Variants in THOC1 observed in about 807,000 individuals in gnomAD.
THOC1 encodes THO complex subunit 1, also known as THO complex 1.
In THOC1, 29 loss-of-function variants were observed where a neutral mutation model predicts 97.3. The ratio of observed to expected loss-of-function variants is 0.30; its 90% CI spans 0.22 to 0.41. THOC1 has a LOEUF of 0.41. THOC1 is among the 10% of genes least tolerant of loss of function. The pLI is 1.00. For synonymous variants in THOC1, 255 were observed against 257.0 expected, an observed-to-expected ratio of 0.99 and a Z score of 0.07; for missense variants, 529 against 761.9, an observed-to-expected ratio of 0.69 and a Z score of 3.60.
intron 9 of THOC1, among the ~76,000 whole-genome samples, chr18:248,613 A>G (rs1483109690): frequency 6.6e-6 from 1 of 152,238 alleles, no homozygotes; most frequent in Non-Finnish European, 1.5e-5. Context: ...AAGCACCAGT[A>G]TGAGAAAAAC....
In THOC1 at chr18:253,336, A is replaced by T. The variant is rs143774226; in HGVS notation, c.604-724T>A. 8.4e-4 allele frequency among the ~76,000 whole-genome samples: 128 copies of T among 152,354 alleles called. 1 individual carries two copies. The East Asian group carries it at 0.021, about 25-fold the overall frequency. ...GCTGCAGACTGATGCAATATTATAC[A>T]CTACTAGACACTGTAACATTGTTTT... On this transcript the variant is annotated intron_variant, in intron 8 of 20. Coordinates refer to ENST00000261600, the MANE Select transcript of THOC1 (RefSeq NM_005131.3).
intron 19 of THOC1, chr18:215,891 C>T: frequency 1.0e-5 from 2 of 198,372 alleles, no homozygotes; most frequent in Non-Finnish European, 2.0e-5. Flanking sequence ...CAATATAATG[C>T]ATTGGCAAAC....
At chr18:248,822 C>G (rs1364328824) in intron 9 of THOC1, among the ~76,000 whole-genome samples, 2 of 152,168 alleles carry the variant, frequency 1.3e-5, no homozygotes, top group South Asian at 2.1e-4. Flanking sequence ...GCGATCTCAG[C>G]TCACTGCAAG....
chr18:216,874 A>T (rs978204853), intron 18 of THOC1, among the ~76,000 whole-genome samples: 2 of 152,240 alleles, frequency 1.3e-5, no homozygotes, highest in African/African-American at 4.8e-5. Flanking sequence ...GCTCATATGC[A>T]GCAAACACAT....
rs993702361 is a variant in THOC1 at position 259,687 on chromosome 18, C to G, written c.419G>C (p.Cys140Ser). The change falls in exon 6 of 21, where the codon TGC becomes TCC. Residue 140 changes from cysteine to serine, a missense_variant. By Grantham distance (112) the Cys-to-Ser change is moderately radical. Around this residue, in one of 8 missense-constraint regions of THOC1, gnomAD observed 49 missense variants for 91.7 expected, o/e 0.53. Coordinates refer to ENST00000261600, the MANE Select transcript of THOC1 (RefSeq NM_005131.3). The stretch of plus-strand genomic sequence containing the variant: ...TTTATCACTCAATTACTTACCATTG[C>G]ACATACGTAGTAAGTAATTTTTCCC... ...SAGKNYLLRM[C>S]NDLLRRLSKS... is the part of the protein sequence containing the mutation. 1.9e-5 allele frequency: 29 copies of G among 1,547,492 alleles called. 1 individual carries two copies. The highest frequency in any genetic ancestry group is 2.7e-5 in the African/African-American group (2 of 73,090).
intron 11 of THOC1, among the ~76,000 whole-genome samples, chr18:227,282 T>A (rs1419073328): frequency 2.0e-5 from 3 of 152,108 alleles, no homozygotes; most frequent in Non-Finnish European, 4.4e-5. Context: ...GAGTTCGAGA[T>A]CAGTCTGAGC....
intron 17 of THOC1, among the ~76,000 whole-genome samples, chr18:220,760 A>G (rs1193832913): frequency 6.6e-6 from 1 of 152,208 alleles, no homozygotes; most frequent in African/African-American, 2.4e-5. Context: ...GCAGGAATCA[A>G]TCATGTTAGA....
At position 214,701 on chromosome 18, in the gene THOC1, C is replaced by G; in HGVS notation, c.1899G>C (p.Leu633=). 1.9e-6 allele frequency: 3 copies of G among 1,613,954 alleles called. No individual in the cohort carries two copies. The highest frequency in any genetic ancestry group is 3.3e-4 in the Middle Eastern group (2 of 6,060). Residue 633 remains leucine (L), a synonymous_variant, in exon 21 of 21, where the codon CTG becomes CTC. Transcript: ENST00000261600. ...QEGVHATPEN[L]INALNKSGLS... is the part of the protein sequence containing the mutation. ...ATCCAGACTTATTCAGTGCATTAAT[C>G]AGATTCTCAGGTGTTGCATGAACTC...
At chr18:236,523 ATTTTTT>A (rs527643205) in intron 11 of THOC1, among the ~76,000 whole-genome samples, 1 of 144,598 alleles carries the variant, frequency 6.9e-6, no homozygotes, top group African/African-American at 2.5e-5. Flanking sequence ...CGCCCGGCTA[ATTTTTT>A]TTTTTTTGTA....
intron 11 of THOC1, among the ~76,000 whole-genome samples, chr18:243,423 ATTTG>A (rs1204612121): frequency 6.6e-6 from 1 of 152,038 alleles, no homozygotes; most frequent in Non-Finnish European, 1.5e-5. Context: ...TAGAAATGCT[ATTTG>A]TTCGGGAGGT....
At chr18:224,301 G>A in intron 15 of THOC1, 122 bp from the exon 16 acceptor site, 1 of 769,676 alleles carries the variant, frequency 1.3e-6, no homozygotes, top group South Asian at 1.7e-5. Context: ...AAAACTGGCT[G>A]GGCATGGTGG....
intron 4 of THOC1, among the ~76,000 whole-genome samples, chr18:262,884 TAAA>T (rs915219762): frequency 2.6e-5 from 4 of 152,236 alleles, no homozygotes; most frequent in African/African-American, 9.6e-5. Flanking sequence ...CCAAATTGGT[TAAA>T]GAAGAATGCT....
chr18:252,575 T>C lies in THOC1; in HGVS notation c.641A>G (p.Glu214Gly), dbSNP rs760717085. 9 of 1,609,452 alleles carry C rather than the reference T, an allele frequency of 5.6e-6. No individual in the cohort carries two copies. Among genetic ancestry groups the C allele is most frequent in the Admixed American group, 3.4e-5 (2 of 58,754 alleles). Residue 214 changes from glutamate (E) to glycine (G), a missense_variant, in exon 9 of 21, where the codon GAA becomes GGA. Transcript: ENST00000261600. Reference sequence around the variant, plus strand: ...AGCTTCCTCGTCTCCCATTTCGCCTTCTTCTACATCCATTCCTTCTTCTCT... The same window carrying C: ...AGCTTCCTCGTCTCCCATTTCGCCTCCTTCTACATCCATTCCTTCTTCTCT... ...EDREEGMDVE[E>G]GEMGDEEAPT...
intron 11 of THOC1, among the ~76,000 whole-genome samples, chr18:237,666 A>G (rs2143218210): frequency 6.6e-6 from 1 of 152,302 alleles, no homozygotes; most frequent in East Asian, 1.9e-4. Context: ...TTTAAACGTT[A>G]AACAATTTAA....
intron 19 of THOC1, 189 bp downstream of exon 19, chr18:216,297 A>G: frequency 1.5e-6 from 1 of 657,216 alleles, no homozygotes. Flanking sequence ...ATTATCAGTT[A>G]CTTCTTTATC....
chr18:260,400 C>T, intron 4 of THOC1, 96 bp from the exon 5 acceptor site: 1 of 792,790 alleles, frequency 1.3e-6, no homozygotes, highest in Non-Finnish European at 1.8e-6. Flanking sequence ...AAAAGGTACA[C>T]TTTGTTACTC....
Position 247,674 on chromosome 18 carries a change from C to T in THOC1, c.786+175G>A, listed in dbSNP as rs180923978. Among the ~76,000 whole-genome samples the T allele has an allele frequency of 2.5e-3, 377 of 152,332 alleles. 3 individuals are homozygous for T. Among genetic ancestry groups the T allele is most frequent in the Middle Eastern group, 6.8e-3 (2 of 294 alleles). ...TTAAATATCCGATTCTTATATACTA[C>T]TTCACAATATTAGTGGTTTAAATAT... On this transcript the variant is annotated intron_variant, in intron 10 of 20. Transcript: ENST00000261600.
At chr18:253,747 T>C (rs1245781488) in intron 8 of THOC1, among the ~76,000 whole-genome samples, 1 of 152,186 alleles carries the variant, frequency 6.6e-6, no homozygotes, top group Non-Finnish European at 1.5e-5. Context: ...AGCTATGCCA[T>C]AATCTACCAT....
At chr18:253,793 A>G (rs888521128) in intron 8 of THOC1, among the ~76,000 whole-genome samples, 1 of 152,206 alleles carries the variant, frequency 6.6e-6, no homozygotes, top group Admixed American at 6.5e-5. Context: ...TGTACATTCT[A>G]TCTTAAACAC....
Sources: allele counts gnomAD v4.1 joint callset (sites outside exome capture counted in the v4.1 genomes callset), GRCh38; gene constraint gnomAD v4.1.1; regional missense constraint gnomAD v4.1.1; transcripts MANE v1.5; gene names NCBI Gene and HGNC (gene_info 2026-07-23, HGNC 2026-07-21).